ZNF385D: variants seen among roughly 807,000 people sequenced by gnomAD.
ZNF385D encodes zinc finger protein 659.
A neutral mutation model predicts 35.8 loss-of-function variants in ZNF385D; 15 were observed. The ratio of observed to expected loss-of-function variants is 0.42; its 90% CI spans 0.28 to 0.64. ZNF385D has a LOEUF of 0.64. ZNF385D is among the 30% of genes least tolerant of loss of function. The probability of loss-of-function intolerance (pLI) is 0.23; values close to 1 mark genes in which losing one functional copy is unlikely to be tolerated. For synonymous variants in ZNF385D, 212 were observed against 186.8 expected (o/e 1.13, Z -1.10); for missense variants, 474 against 494.6 (o/e 0.96, Z 0.39).
chr3:21,642,034 T>A (rs1189271939), intron 2 of ZNF385D, among the ~76,000 whole-genome samples: 1 of 152,082 alleles, frequency 6.6e-6, no homozygotes, highest in African/African-American at 2.4e-5. Context: ...ACAGGCAACA[T>A]GGCACTGGCC....
At chr3:21,899,047 T>C (rs1255440450) in intron 3 of ZNF385D, among the ~76,000 whole-genome samples, 1 of 152,054 alleles carries the variant, frequency 6.6e-6, no homozygotes, top group East Asian at 1.9e-4. Flanking sequence ...AGACAATAGT[T>C]CCCATCAGGA....
intron 1 of ZNF385D, among the ~76,000 whole-genome samples, chr3:21,673,442 C>A (rs17009250): frequency 0.05 from 7,649 of 152,170 alleles, 279 homozygotes; most frequent in East Asian, 0.13. Context: ...AGATAAGATG[C>A]TTGATACAGT....
chr3:22,363,605 T>C (rs1472303424), intron 2 of ZNF385D, among the ~76,000 whole-genome samples: 2 of 152,174 alleles, frequency 1.3e-5, no homozygotes, highest in Non-Finnish European at 2.9e-5. Context: ...TGGTTTTTTA[T>C]CTGGAAAAAT....
chr3:22,272,110 G>C (rs1701208329), intron 2 of ZNF385D, among the ~76,000 whole-genome samples: 1 of 152,004 alleles, frequency 6.6e-6, no homozygotes, highest in Non-Finnish European at 1.5e-5. Flanking sequence ...CTTCTGAAGA[G>C]AAGAAGGCAG....
At chr3:22,033,705 G>T (rs550162428) in intron 3 of ZNF385D, among the ~76,000 whole-genome samples, 1 of 151,964 alleles carries the variant, frequency 6.6e-6, no homozygotes, top group Non-Finnish European at 1.5e-5. Context: ...TATATTCCTT[G>T]AACAATCTGT....
chr3:22,050,146 G>T lies in ZNF385D; in HGVS notation c.325+118671C>A, dbSNP rs780462583. Among the ~76,000 whole-genome samples, 581 of 151,470 alleles carry T rather than the reference G, an allele frequency of 3.8e-3. 1 individual carries two copies. Among genetic ancestry groups the T allele is most frequent in the Non-Finnish European group, 4.8e-3 (325 of 67,884 alleles). On this transcript the variant is annotated intron_variant, in intron 3 of 5. Transcript: ENST00000494108. ...TTTGGGAGACCAACGCATGAGGATT[G>T]TTTGAGCCCAGGAGTTTGAGACCAG...
chr3:21,762,420 G>A (rs192178251), intron 3 of ZNF385D, among the ~76,000 whole-genome samples: 1 of 152,176 alleles, frequency 6.6e-6, no homozygotes, highest in African/African-American at 2.4e-5. Context: ...TCATCCTCAA[G>A]TGATCCACTC....
intron 2 of ZNF385D, among the ~76,000 whole-genome samples, chr3:22,169,737 T>C (rs1318330461): frequency 6.6e-6 from 1 of 152,236 alleles, no homozygotes; most frequent in Non-Finnish European, 1.5e-5. Context: ...ACGCTTTGTA[T>C]ACTAAAACCA....
intron 3 of ZNF385D, among the ~76,000 whole-genome samples, chr3:21,884,450 A>G (rs897907488): frequency 6.6e-6 from 1 of 152,018 alleles, no homozygotes; most frequent in Non-Finnish European, 1.5e-5. Context: ...TCTGCTATTA[A>G]GTTGGTTCTT....
At chr3:21,590,221 A>T (rs2063931134) in intron 2 of ZNF385D, among the ~76,000 whole-genome samples, 1 of 152,158 alleles carries the variant, frequency 6.6e-6, no homozygotes, top group East Asian at 1.9e-4. Flanking sequence ...GACACATAAT[A>T]GGGAGTGGAA....
intron 2 of ZNF385D, among the ~76,000 whole-genome samples, chr3:22,183,560 A>T (rs922420514): frequency 6.6e-6 from 1 of 152,054 alleles, no homozygotes; most frequent in African/African-American, 2.4e-5. Context: ...GTTTCACCAT[A>T]TTGGCCAGGC....
At chr3:21,682,217 G>GACCATCTCAATAACGGAAC (rs1575452547) in intron 1 of ZNF385D, among the ~76,000 whole-genome samples, 2 of 133,780 alleles carry the variant, frequency 1.5e-5, no homozygotes, top group African/African-American at 5.5e-5. Context: ...TTTTAGTTTA[G>GACCATCTCAATAACGGAAC]CTTTGTCCTT....
chr3:22,070,319 T>C (rs947325728), intron 3 of ZNF385D, among the ~76,000 whole-genome samples: 1 of 152,144 alleles, frequency 6.6e-6, no homozygotes, highest in Non-Finnish European at 1.5e-5. Flanking sequence ...TATATATACA[T>C]GAAAGGAAAG....
At chr3:22,316,051 A>C (rs962580058) in intron 2 of ZNF385D, among the ~76,000 whole-genome samples, 3 of 152,144 alleles carry the variant, frequency 2.0e-5, no homozygotes, top group African/African-American at 7.2e-5. Flanking sequence ...GATGTTTTTC[A>C]GGCTTCACAT....
intron 3 of ZNF385D, among the ~76,000 whole-genome samples, chr3:21,955,626 T>C (rs1702248184): frequency 6.6e-6 from 1 of 152,160 alleles, no homozygotes; most frequent in African/African-American, 2.4e-5. Flanking sequence ...ACCTAAATTT[T>C]GCAATCTGTT....
chr3:21,967,338 C>G, intron 3 of ZNF385D, among the ~76,000 whole-genome samples: 1 of 152,144 alleles, frequency 6.6e-6, no homozygotes, highest in African/African-American at 2.4e-5. Context: ...GCAGCTTTAT[C>G]TTAAAGCCAC....
chr3:21,453,491 T>C (rs569909368), intron 4 of ZNF385D, among the ~76,000 whole-genome samples: 1 of 151,998 alleles, frequency 6.6e-6, no homozygotes, highest in Admixed American at 6.6e-5. Context: ...TAATATCCAT[T>C]ATATATAAAG....
At chr3:21,663,254 C>T (rs2066291169) in intron 2 of ZNF385D, among the ~76,000 whole-genome samples, 1 of 152,160 alleles carries the variant, frequency 6.6e-6, no homozygotes, top group Non-Finnish European at 1.5e-5. Context: ...CTCAACACAT[C>T]ACTCATCTTT....
At chr3:22,132,066 A>G (rs888901034) in intron 3 of ZNF385D, among the ~76,000 whole-genome samples, 2 of 152,122 alleles carry the variant, frequency 1.3e-5, no homozygotes, top group African/African-American at 4.8e-5. Flanking sequence ...AAAGAGGAAA[A>G]AACGTTTAGG....
Sources: gnomAD v4.1 joint callset for allele counts (sites outside exome capture counted in the v4.1 genomes callset) on GRCh38, gnomAD v4.1.1 for gene constraint, MANE v1.5 for transcripts, NCBI Gene and HGNC (gene_info 2026-07-23, HGNC 2026-07-21) for gene names.